GRID2IP: variants seen among roughly 807,000 people sequenced by gnomAD.
GRID2IP encodes the protein Grid2 interacting protein.
GRID2IP carries 78 observed loss-of-function variants against 114.3 expected under a neutral mutation model. The ratio of observed to expected loss-of-function variants is 0.68; its 90% CI spans 0.57 to 0.82. The LOEUF (loss-of-function observed/expected upper bound fraction) is 0.82, where lower values mean the gene tolerates loss of function less well. GRID2IP is among the 40% of genes least tolerant of loss of function. GRID2IP has a pLI of 0.00. For missense variants in GRID2IP, 1,727 were observed against 1,678.5 expected (o/e 1.03, Z -0.51); for synonymous variants, 809 against 724.0 (o/e 1.12, Z -1.89).
intron 1 of GRID2IP, among the ~76,000 whole-genome samples, chr7:6,541,395 G>A (rs1779813571): frequency 6.6e-6 from 1 of 152,128 alleles, no homozygotes; most frequent in African/African-American, 2.4e-5. Flanking sequence ...CTTCCATACT[G>A]TGCGCTGAGA....
At chr7:6,546,656 C>G (rs2115102553) in intron 1 of GRID2IP, among the ~76,000 whole-genome samples, 1 of 152,032 alleles carries the variant, frequency 6.6e-6, no homozygotes, top group South Asian at 2.1e-4. Context: ...GAGATTCACT[C>G]TCAGCTTTTG....
chr7:6,542,965 C>T (rs1049783428), intron 1 of GRID2IP, among the ~76,000 whole-genome samples: 2 of 152,142 alleles, frequency 1.3e-5, no homozygotes, highest in African/African-American at 4.8e-5. Context: ...ACGTCTCCCT[C>T]TCTCGAGGAC....
At chr7:6,504,120 G>A (rs918750707) in intron 15 of GRID2IP, among the ~76,000 whole-genome samples, 1 of 150,166 alleles carries the variant, frequency 6.7e-6, no homozygotes, top group African/African-American at 2.5e-5. Context: ...CTCTAGAGGG[G>A]TGGGGGTCAA....
intron 7 of GRID2IP, among the ~76,000 whole-genome samples, chr7:6,514,777 G>A (rs1043843599): frequency 9.2e-5 from 14 of 151,636 alleles, no homozygotes; most frequent in African/African-American, 3.4e-4. Context: ...CATGGTGAAA[G>A]GCCGTCTCTA....
chr7:6,541,851 G>A (rs1779819208), intron 1 of GRID2IP, among the ~76,000 whole-genome samples: 1 of 152,188 alleles, frequency 6.6e-6, no homozygotes, highest in Non-Finnish European at 1.5e-5. Context: ...CAAGACACAT[G>A]CACGATGATG....
Position 6,507,420 on chromosome 7 carries a change from C to A in GRID2IP, c.2544+565G>T, listed in dbSNP as rs1786627525. On this transcript the variant is annotated intron_variant, in intron 13 of 21. Transcript: ENST00000457091. This position sits in a 1 kb window ranked among gnomAD's most constrained non-coding sequence, Gnocchi z 5.3. ...GGTGGGGTGAACCTTGTTCATCTTG[C>A]AGATTGGTTGGTCTGTGGATAAGAT... Among the ~76,000 whole-genome samples the A allele has an allele frequency of 1.3e-5, 2 of 151,044 alleles. No individual in the cohort carries two copies. Among genetic ancestry groups the A allele is most frequent in the Non-Finnish European group, 2.9e-5 (2 of 67,908 alleles).
intron 1 of GRID2IP, 36 bp downstream of exon 1, chr7:6,550,972 T>TGC: frequency 1.8e-6 from 1 of 565,952 alleles, no homozygotes; most frequent in African/African-American, 2.5e-5. Flanking sequence ...ATGAGCCCCC[T>TGC]CCTTCCCGCC....
rs1363686403 is a variant in GRID2IP at position 6,550,997 on chromosome 7, C to G, written c.429+11G>C. The G allele has an allele frequency of 9.3e-5, 116 of 1,241,698 alleles. No homozygotes were observed. The highest frequency in any genetic ancestry group is 1.1e-4 in the Non-Finnish European group (112 of 992,088). The allele number at this position is 1,241,698 out of a possible 1,614,324, so 76.9% of individuals were successfully genotyped here. A position where few individuals can be genotyped will look rare whatever the true frequency, so the allele number is the denominator to read the frequency against. On this transcript the variant is annotated intron_variant, in intron 1 of 21. Transcript: ENST00000457091. The stretch of plus-strand genomic sequence containing the variant: ...TCCTTCCCGCCCCCACCTCCCACCC[C>G]CGCGCCTTACCTTGCGGCTGAACTC...
In GRID2IP at chr7:6,510,606, C is replaced by T; in HGVS notation, c.1653+3G>A. 1 of 1,531,920 alleles carries T rather than the reference C, an allele frequency of 6.5e-7. No individual in the cohort carries two copies. The highest frequency in any genetic ancestry group is 8.8e-7 in the Non-Finnish European group (1 of 1,139,078). The allele number at this position is 1,531,920 out of a possible 1,614,324, so 94.9% of individuals were successfully genotyped here. A position where few individuals can be genotyped will look rare whatever the true frequency, so the allele number is the denominator to read the frequency against. On this transcript the variant is annotated splice_donor_region_variant and intron_variant, in intron 10 of 21. Coordinates refer to ENST00000457091, the MANE Select transcript of GRID2IP (RefSeq NM_001145118.2). ...CCCACGTGGAGGGCAGAGAAGGTCT[C>T]ACCATCTTGGGGTTGGGGGTCTCAG...
rs1166827386 is a variant in GRID2IP at position 6,503,125 on chromosome 7, G to A, written c.2946C>T (p.Ser982=). 6 of 1,548,988 alleles carry A rather than the reference G, an allele frequency of 3.9e-6. No homozygotes were observed. Among genetic ancestry groups the A allele is most frequent in the Non-Finnish European group, 5.2e-6 (6 of 1,145,784 alleles). Residue 982 remains serine (S), a synonymous_variant, in exon 17 of 22, where the codon AGC becomes AGT. Coordinates refer to ENST00000457091, the MANE Select transcript of GRID2IP (RefSeq NM_001145118.2). The part of the protein sequence containing the change: ...SVPEYKTRLR[S]LHFQATLQEK... ...CCTGGAGGGTGGCCTGGAAGTGGAGGCTGCGCAGGCGTGTCTTGTATTCGG... is the reference window on the plus strand; with the variant it reads ...CCTGGAGGGTGGCCTGGAAGTGGAGACTGCGCAGGCGTGTCTTGTATTCGG...
rs1460741020 is a variant in GRID2IP, at chr7:6,532,339, A to G, written c.585-5570T>C. 6.6e-6 allele frequency among the ~76,000 whole-genome samples: 1 copy of G among 152,124 alleles called. No individual in the cohort carries two copies. The highest frequency in any genetic ancestry group is 1.5e-5 in the Non-Finnish European group (1 of 68,024). ...GACAGGCGGGAACAGGAGAGGCAAG[A>G]TGCCCCGGGGACTTTCCCTCTGTCT... is the stretch of plus-strand genomic sequence containing the variant. On this transcript the variant is annotated intron_variant, in intron 2 of 21. Transcript: ENST00000457091. The surrounding 1 kb of genome is among the most constrained non-coding windows in gnomAD (Gnocchi z 4.4).
At chr7:6,501,528 C>T (rs1483253995) in intron 20 of GRID2IP, among the ~76,000 whole-genome samples, 1 of 152,212 alleles carries the variant, frequency 6.6e-6, no homozygotes, top group Non-Finnish European at 1.5e-5. Context: ...ATGGCAAAAC[C>T]TTGTCTCTAC....
At position 6,497,616 on chromosome 7, in the gene GRID2IP, G is replaced by A. The variant is rs2115347563; in HGVS notation, c.*158C>T. 5 of 568,794 alleles carry A rather than the reference G, an allele frequency of 8.8e-6. No individual in the cohort carries two copies. The highest frequency in any genetic ancestry group is 2.2e-5 in the South Asian group (1 of 45,464). The allele number at this position is 568,794 out of a possible 1,614,324, so 35.2% of individuals were successfully genotyped here. A position where few individuals can be genotyped will look rare whatever the true frequency, so the allele number is the denominator to read the frequency against. On this transcript the variant is annotated 3_prime_UTR_variant, in exon 22 of 22. Transcript: ENST00000457091. The stretch of plus-strand genomic sequence containing the variant: ...GGTAGGAACAAGGGCTGGCAGAGGA[G>A]GGCCCGACCACAGCTCGGCGGCTGA...
At position 6,519,067 on chromosome 7, in the gene GRID2IP, C is replaced by T. The variant is rs951850211; in HGVS notation, c.1268+1511G>A. On this transcript the variant is annotated intron_variant, in intron 7 of 21. Coordinates refer to ENST00000457091, the MANE Select transcript of GRID2IP (RefSeq NM_001145118.2). The surrounding 1 kb of genome is among the most constrained non-coding windows in gnomAD (Gnocchi z 4.1). ...CCAAGTAGCTGGAACTACAGGTGCG[C>T]ACCACCATGCCCAGCTAATTTTTTC... 1.1e-4 allele frequency among the ~76,000 whole-genome samples: 17 copies of T among 151,878 alleles called. No homozygotes were observed. The highest frequency in any genetic ancestry group is 4.1e-4 in the African/African-American group (17 of 41,354).
At chr7:6,511,128 C>A in intron 8 of GRID2IP, 89 bp from the exon 9 acceptor site, 1 of 1,303,450 alleles carries the variant, frequency 7.7e-7, no homozygotes, top group Non-Finnish European at 9.7e-7. Flanking sequence ...CAGATGTCAT[C>A]TGCACCAATA....
At chr7:6,539,625 G>A in intron 2 of GRID2IP, 93 bp downstream of exon 2, 14 of 1,211,562 alleles carry the variant, frequency 1.2e-5, no homozygotes, top group Non-Finnish European at 1.6e-5. Context: ...TCTCCCACCT[G>A]GGCTGGAAGG....
chr7:6,520,481 G>C lies in GRID2IP; in HGVS notation c.1268+97C>G, dbSNP rs1779391179. 7.5e-7 allele frequency: 1 copy of C among 1,326,858 alleles called. No homozygotes were observed. The highest frequency in any genetic ancestry group is 2.7e-4 in the Middle Eastern group (1 of 3,750). The allele number at this position is 1,326,858 out of a possible 1,614,324, so 82.2% of individuals were successfully genotyped here. A position where few individuals can be genotyped will look rare whatever the true frequency, so the allele number is the denominator to read the frequency against. ...TCCTGAGCATCCCCCAGGAGAACGG[G>C]ACTGAGGAGGTTCAGGCAGGGAGAC... is the stretch of plus-strand genomic sequence containing the variant. On this transcript the variant is annotated intron_variant, in intron 7 of 21. Transcript: ENST00000457091. This position sits in a 1 kb window ranked among gnomAD's most constrained non-coding sequence, Gnocchi z 4.6.
chr7:6,503,269 GA>G (rs1786470423), intron 16 of GRID2IP, 106 bp from the exon 17 acceptor site: 2 of 1,170,170 alleles, frequency 1.7e-6, no homozygotes, highest in East Asian at 5.2e-5. Flanking sequence ...GCTTCGGCCC[GA>G]TATTCCGGTA....
At chr7:6,501,956 G>A in intron 19 of GRID2IP, 33 bp downstream of exon 19, 2 of 1,550,780 alleles carry the variant, frequency 1.3e-6, no homozygotes, top group Non-Finnish European at 1.7e-6. Context: ...AGGACAGCAT[G>A]CCTCTGCCTC....
Sources: gnomAD v4.1 joint callset for allele counts (sites outside exome capture counted in the v4.1 genomes callset) on GRCh38, gnomAD v4.1.1 for gene constraint, Gnocchi (gnomAD v3.1) non-coding constraint, MANE v1.5 for transcripts, NCBI Gene and HGNC (gene_info 2026-07-23, HGNC 2026-07-21) for gene names.